BAZ2A: variants seen among roughly 807,000 people sequenced by gnomAD.
BAZ2A encodes the protein bromodomain adjacent to zinc finger domain protein 2A.
BAZ2A carries 34 observed loss-of-function variants against 199.9 expected under a neutral mutation model. The observed-to-expected ratio is 0.17, with a 90% confidence interval of 0.13 to 0.23. The LOEUF is 0.23. Among genes scored for constraint, BAZ2A ranks in the 10% least tolerant of loss-of-function variants. The pLI, the probability that BAZ2A is intolerant of heterozygous loss-of-function variation, is 1.00. For missense variants in BAZ2A, 2,002 were observed against 2,391.1 expected, an observed-to-expected ratio of 0.84 and a Z score of 3.39; for synonymous variants, 857 against 883.9, an observed-to-expected ratio of 0.97 and a Z score of 0.54.
rs896930560 is a variant in BAZ2A, at chr12:56,597,070, G to A, written c.*1548C>T. 2.0e-5 allele frequency: 3 copies of A among 152,790 alleles called. No individual in the cohort carries two copies. Among genetic ancestry groups the A allele is most frequent in the African/African-American group, 7.2e-5 (3 of 41,548 alleles). 9.5% of individuals were successfully genotyped at this position (152,790 alleles called of 1,614,324 possible). ...CGTAATCTCTGAAGGGAGGGGCTCT[G>A]CTGAGCAGGAAAAGCAGGGGGCCAA... On this transcript the variant is annotated 3_prime_UTR_variant, in exon 29 of 29. Transcript: ENST00000549884.
chr12:56,627,763 C>A (rs1951149280), intron 1 of BAZ2A, among the ~76,000 whole-genome samples: 1 of 145,300 alleles, frequency 6.9e-6, no homozygotes, highest in Non-Finnish European at 1.5e-5. Flanking sequence ...GAGGTCGGGG[C>A]TGCAGTGAGC....
intron 5 of BAZ2A, among the ~76,000 whole-genome samples, chr12:56,612,725 C>T (rs1363954119): frequency 2.6e-5 from 4 of 152,184 alleles, no homozygotes; most frequent in South Asian, 2.1e-4. Context: ...TGGGGCCAAG[C>T]GATTCTCCTG....
chr12:56,637,532 A>G (rs1951476649), upstream of BAZ2A, among the ~76,000 whole-genome samples: 1 of 152,208 alleles, frequency 6.6e-6, no homozygotes, highest in Non-Finnish European at 1.5e-5. Context: ...AAATGTCAGG[A>G]AGTAGTTAAG....
chr12:56,607,210 G>A (rs1950389617), intron 10 of BAZ2A, among the ~76,000 whole-genome samples: 1 of 152,216 alleles, frequency 6.6e-6, no homozygotes, highest in Admixed American at 6.5e-5. Flanking sequence ...GGCCCACACA[G>A]TGGACACCTC....
chr12:56,633,265 T>C (rs973593128), upstream of BAZ2A, among the ~76,000 whole-genome samples: 17 of 152,096 alleles, frequency 1.1e-4, no homozygotes, highest in Middle Eastern at 3.4e-3. Flanking sequence ...GAGAAGGGGA[T>C]TCGTTTGCAT....
At chr12:56,632,063 C>G (rs1232457949), upstream of BAZ2A, among the ~76,000 whole-genome samples, 6 of 151,984 alleles carry the variant, frequency 3.9e-5, no homozygotes, top group Non-Finnish European at 5.9e-5. Context: ...AGGTGGAAAC[C>G]AAAACCCTTC....
upstream of BAZ2A, among the ~76,000 whole-genome samples, chr12:56,637,982 A>G (rs1951482581): frequency 6.6e-6 from 1 of 152,186 alleles, no homozygotes; most frequent in South Asian, 2.1e-4. Flanking sequence ...AATTGTTGAA[A>G]ACAGTGCTGG....
chr12:56,604,960 A>G, intron 14 of BAZ2A, 113 bp downstream of exon 14: 1 of 1,421,090 alleles, frequency 7.0e-7, no homozygotes, highest in Non-Finnish European at 9.4e-7. Flanking sequence ...AAAATAAAAT[A>G]AGGAGAGGAG....
rs1950552601 is a variant in BAZ2A, at chr12:56,611,386, T to C, written c.1670+187A>G. Reference sequence around the variant, plus strand: ...AGAATAGGTGATGGAAGACAGACCTTGAGAGAAGAAGGAAAACCTAGGAAT... The same window carrying C: ...AGAATAGGTGATGGAAGACAGACCTCGAGAGAAGAAGGAAAACCTAGGAAT... On this transcript the variant is annotated intron_variant, in intron 7 of 28. Coordinates refer to ENST00000549884, the MANE Select transcript of BAZ2A (RefSeq NM_001300905.2). 9.3e-6 allele frequency: 6 copies of C among 645,848 alleles called. No homozygotes were observed. In the East Asian group the frequency reaches 1.7e-4, roughly 19 times the overall value. The allele number at this position is 645,848 out of a possible 1,614,324, so 40.0% of individuals were successfully genotyped here.
At chr12:56,629,474 T>C (rs563844569) in intron 1 of BAZ2A, among the ~76,000 whole-genome samples, 195 of 152,226 alleles carry the variant, frequency 1.3e-3, no homozygotes, top group African/African-American at 4.6e-3. Context: ...CCAGCTCAAA[T>C]TGGAAAGCCT....
chr12:56,600,551 A>G, intron 23 of BAZ2A, 61 bp from the exon 24 acceptor site: 1 of 1,574,386 alleles, frequency 6.4e-7, no homozygotes, highest in Non-Finnish European at 8.6e-7. Context: ...GCATAGGAAA[A>G]AAAAAAACAA....
At chr12:56,608,866 GC>G (rs1950460093) in intron 10 of BAZ2A, among the ~76,000 whole-genome samples, 2 of 122,398 alleles carry the variant, frequency 1.6e-5, no homozygotes, top group African/African-American at 8.4e-5. Flanking sequence ...ACCGTGCCTG[GC>G]TTTTTTTTTT....
intron 3 of BAZ2A, chr12:56,614,365 C>A (rs923196010): frequency 1.1e-5 from 5 of 476,044 alleles, no homozygotes; most frequent in African/African-American, 1.9e-5. Flanking sequence ...GGGTCTGATA[C>A]AACATCTCTA....
At chr12:56,600,118 C>G (rs376989390) in intron 24 of BAZ2A, 22 bp from the exon 25 acceptor site, 27 of 1,613,446 alleles carry the variant, frequency 1.7e-5, no homozygotes, top group Non-Finnish European at 2.1e-5. Flanking sequence ...AAGTGGTGAT[C>G]TTTGGAGAAG....
rs1322728325 is a variant in BAZ2A, at chr12:56,610,421, T to G, written c.1767A>C (p.Pro589=). ...AAAGCTACATTACCTTGATCACTTC[T>G]GGAAATTGCTTCATCCTCTTCCCAC... The part of the protein sequence containing the change: ...GPCGKRMKQF[P]EVIKYLSRNV... Residue 589 remains proline (P), a synonymous_variant, in exon 8 of 29, where the codon CCA becomes CCC. Coordinates refer to ENST00000549884, the MANE Select transcript of BAZ2A (RefSeq NM_001300905.2). 1.9e-6 allele frequency: 3 copies of G among 1,613,634 alleles called. No homozygotes were observed. Among genetic ancestry groups the G allele is most frequent in the East Asian group, 2.2e-5 (1 of 44,876 alleles).
In BAZ2A at chr12:56,599,822, G is replaced by A; in HGVS notation, c.5052C>T (p.Asp1684=). Residue 1684 remains aspartate (D), a synonymous_variant, in exon 26 of 29, where the codon GAC becomes GAT. Transcript: ENST00000549884. ...CACAAAGCAGAAGAAACTCATCATT[G>A]TCACCCTTCCGGCAGACTAGACATG... ...KVTCLVCRKG[D]NDEFLLLCDG... 1 of 1,613,998 alleles carries A rather than the reference G, an allele frequency of 6.2e-7. No individual in the cohort carries two copies. The highest frequency in any genetic ancestry group is 8.5e-7 in the Non-Finnish European group (1 of 1,179,890).
intron 5 of BAZ2A, 38 bp downstream of exon 5, chr12:56,612,977 G>C (rs976960169): frequency 6.4e-7 from 1 of 1,564,544 alleles, no homozygotes; most frequent in South Asian, 1.1e-5. Flanking sequence ...TCTTTTCTCA[G>C]GTAAAGGTCT....
Position 56,600,038 on chromosome 12 carries a change from T to C in BAZ2A, c.4951A>G (p.Ser1651Gly). ...VWRQTLERCRSAAQVCLCLGQ... is the reference protein window; with the variant it reads ...VWRQTLERCRGAAQVCLCLGQ... ...AGGCACAAGCACACCTGGGCTGCGC[T>C]CCGGCACCGCTCGAGGGTCTGGCGC... The change falls in exon 25 of 29, where the codon AGC (serine) becomes GGC (glycine). Residue 1651 changes from serine to glycine, a missense_variant. Physicochemically the swap from Ser to Gly is moderately conservative, Grantham distance 56. Around this residue, in one of 6 missense-constraint regions of BAZ2A, gnomAD observed 1,081 missense variants for 1,274.7 expected, o/e 0.85. Coordinates refer to ENST00000549884, the MANE Select transcript of BAZ2A (RefSeq NM_001300905.2). 1.2e-6 allele frequency: 2 copies of C among 1,614,012 alleles called. No individual in the cohort carries two copies. Among genetic ancestry groups the C allele is most frequent in the South Asian group, 2.2e-5 (2 of 91,088 alleles).
chr12:56,634,042 C>T (rs536471628), upstream of BAZ2A, among the ~76,000 whole-genome samples: 1 of 152,214 alleles, frequency 6.6e-6, no homozygotes, highest in African/African-American at 2.4e-5. Flanking sequence ...CCCTTCTCCC[C>T]TTTAAGTCGA....
Sources: allele counts gnomAD v4.1 joint callset (sites outside exome capture counted in the v4.1 genomes callset), GRCh38; gene constraint gnomAD v4.1.1; regional missense constraint gnomAD v4.1.1; transcripts MANE v1.5; gene names NCBI Gene and HGNC (gene_info 2026-07-23, HGNC 2026-07-21).